Variants in GRIN2A observed in about 807,000 individuals in gnomAD.
GRIN2A encodes the protein glutamate ionotropic receptor NMDA type subunit 2A.
GRIN2A carries 22 observed loss-of-function variants against 113.4 expected under a neutral mutation model. That is an observed-to-expected ratio of 0.19 (90% CI 0.14 to 0.28). GRIN2A has a LOEUF of 0.28. GRIN2A is among the 10% of genes least tolerant of loss of function. The pLI is 1.00. For missense variants in GRIN2A, 1,502 were observed against 1,887.0 expected, an observed-to-expected ratio of 0.80 and a Z score of 3.78; for synonymous variants, 827 against 738.4, an observed-to-expected ratio of 1.12 and a Z score of -1.94.
chr16:10,080,820 C>T (rs1448268), intron 2 of GRIN2A, among the ~76,000 whole-genome samples: 131,346 of 152,130 alleles, frequency 0.86, 57,133 homozygotes, highest in East Asian at 1. Context: ...TGACTGTCCC[C>T]ATTATACTTG....
chr16:10,122,544 T>A (rs1312243629), intron 2 of GRIN2A, among the ~76,000 whole-genome samples: 1 of 152,152 alleles, frequency 6.6e-6, no homozygotes, highest in Non-Finnish European at 1.5e-5. Flanking sequence ...CCAGAAAGTT[T>A]CGCTTTGATT....
Position 9,951,624 on chromosome 16 carries a change from T to G in GRIN2A, c.415-13073A>C, listed in dbSNP as rs572731298. Among the ~76,000 whole-genome samples, 33 of 152,266 alleles carry G rather than the reference T, an allele frequency of 2.2e-4. No individual in the cohort carries two copies. The South Asian group carries it at 5.2e-3, about 24-fold the overall frequency. ...AATTAAACTCTGAGCACAAATGGAA[T>G]TAGGAGCATAAACAAGGGGTGGAAA... On this transcript the variant is annotated intron_variant, in intron 2 of 12. Coordinates refer to ENST00000330684, the MANE Select transcript of GRIN2A (RefSeq NM_001134407.3).
intron 2 of GRIN2A, among the ~76,000 whole-genome samples, chr16:10,148,511 C>G (rs1039897921): frequency 6.6e-6 from 1 of 152,194 alleles, no homozygotes; most frequent in African/African-American, 2.4e-5. Flanking sequence ...GCTCCGTGTT[C>G]ACAGATCTAG....
intron 2 of GRIN2A, among the ~76,000 whole-genome samples, chr16:9,953,711 C>T (rs1007691902): frequency 6.6e-6 from 1 of 152,156 alleles, no homozygotes; most frequent in African/African-American, 2.4e-5. Context: ...AATGCGATAA[C>T]TTAGAAGCCA....
chr16:9,996,687 A>G (rs2046229597), intron 2 of GRIN2A, among the ~76,000 whole-genome samples: 2 of 152,168 alleles, frequency 1.3e-5, no homozygotes, highest in African/African-American at 2.4e-5. Flanking sequence ...TGTCTTTCCC[A>G]ATACACCATA....
chr16:9,979,076 TA>T (rs2045833371), intron 2 of GRIN2A, among the ~76,000 whole-genome samples: 1 of 152,272 alleles, frequency 6.6e-6, no homozygotes, highest in African/African-American at 2.4e-5. Context: ...AAGCACAGCT[TA>T]AACTGACCCC....
chr16:10,007,219 T>C (rs886153321), intron 2 of GRIN2A, among the ~76,000 whole-genome samples: 2 of 152,224 alleles, frequency 1.3e-5, no homozygotes, highest in South Asian at 2.1e-4. Context: ...CTGTTATCCA[T>C]AGTGGCTGTA....
At chr16:10,179,893 C>CCCAAAAAAACAAAAAAAA in intron 2 of GRIN2A, 105 bp downstream of exon 2, 1 of 719,818 alleles carries the variant, frequency 1.4e-6, no homozygotes, top group Non-Finnish European at 2.4e-6. Context: ...CCCCCACCCC[C>CCCAAAAAAACAAAAAAAA]ACTTCACATC....
At chr16:10,134,708 G>A (rs534597321) in intron 2 of GRIN2A, among the ~76,000 whole-genome samples, 1 of 152,232 alleles carries the variant, frequency 6.6e-6, no homozygotes, top group Admixed American at 6.5e-5. Context: ...AATTGCCAAT[G>A]TTTATGCTGG....
intron 2 of GRIN2A, among the ~76,000 whole-genome samples, chr16:9,946,583 A>C (rs1010964010): frequency 2.0e-5 from 3 of 152,090 alleles, no homozygotes; most frequent in Admixed American, 2.0e-4. Flanking sequence ...CTTTACTGGT[A>C]ATAGTGAATT....
intron 2 of GRIN2A, 99 bp downstream of exon 2, chr16:10,179,899 A>ACC: frequency 1.3e-6 from 1 of 769,200 alleles, no homozygotes; most frequent in Non-Finnish European, 2.2e-6. Context: ...CCCCCACTTC[A>ACC]CATCAAGACA....
intron 7 of GRIN2A, among the ~76,000 whole-genome samples, chr16:9,838,626 A>C (rs1567335748): frequency 6.6e-6 from 1 of 152,170 alleles, no homozygotes; most frequent in African/African-American, 2.4e-5. Flanking sequence ...GGCTGATTTA[A>C]ATTAACTGTG....
At chr16:10,177,432 G>A (rs2050170420) in intron 2 of GRIN2A, among the ~76,000 whole-genome samples, 1 of 152,106 alleles carries the variant, frequency 6.6e-6, no homozygotes, top group Admixed American at 6.6e-5. Context: ...CACAGAGAGT[G>A]GCCAATGTCT....
chr16:10,174,704 G>C (rs193291179), intron 2 of GRIN2A, among the ~76,000 whole-genome samples: 3 of 151,598 alleles, frequency 2.0e-5, no homozygotes, highest in African/African-American at 7.3e-5. Flanking sequence ...TAACTCAACA[G>C]ATAGTCAAAA....
In GRIN2A at chr16:9,757,783, T is replaced by C. The variant is rs1900415375; in HGVS notation, c.*5366A>G. The C allele has an allele frequency of 4.5e-6, 1 of 220,370 alleles. No homozygotes were observed. The highest frequency in any genetic ancestry group is 1.8e-4 in the South Asian group (1 of 5,412). The allele number at this position is 220,370 out of a possible 1,614,324, so 13.7% of individuals were successfully genotyped here. On this transcript the variant is annotated 3_prime_UTR_variant, in exon 13 of 13. Coordinates refer to ENST00000330684, the MANE Select transcript of GRIN2A (RefSeq NM_001134407.3). ...ACGGTCTCTGAGAAAAGTTTTCTCT[T>C]CTAGGAACTTTAAGACAGGGATTGT...
At chr16:9,770,128 ATGTCTAGCAATTATAC>A (rs1046803567) in intron 11 of GRIN2A, among the ~76,000 whole-genome samples, 5 of 152,214 alleles carry the variant, frequency 3.3e-5, no homozygotes, top group African/African-American at 1.2e-4. Flanking sequence ...TCTGATCTAT[ATGTCTAGCAATTATAC>A]TGTCTAGCAA....
chr16:10,037,231 C>A (rs1430980446), intron 2 of GRIN2A: 1 of 151,834 alleles, frequency 6.6e-6, no homozygotes, highest in Non-Finnish European at 1.5e-5. Context: ...ATGCAAAACT[C>A]TATCTCCCTA....
At chr16:9,975,666 C>G (rs1252686182) in intron 2 of GRIN2A, among the ~76,000 whole-genome samples, 1 of 152,116 alleles carries the variant, frequency 6.6e-6, no homozygotes, top group Non-Finnish European at 1.5e-5. Flanking sequence ...ATAAACATGC[C>G]AAACCCAAAC....
intron 2 of GRIN2A, among the ~76,000 whole-genome samples, chr16:10,077,103 C>T (rs573188704): frequency 2.6e-5 from 4 of 152,076 alleles, no homozygotes; most frequent in East Asian, 3.9e-4. Flanking sequence ...ATGGAGGAAG[C>T]GACCACAAGC....
Sources: gnomAD v4.1 joint callset for allele counts (sites outside exome capture counted in the v4.1 genomes callset) on GRCh38, gnomAD v4.1.1 for gene constraint, MANE v1.5 for transcripts, NCBI Gene and HGNC (gene_info 2026-07-23, HGNC 2026-07-21) for gene names.